NDUFA9: variants seen among roughly 807,000 people sequenced by gnomAD.
NDUFA9 encodes the protein NADH dehydrogenase [ubiquinone] 1 alpha subcomplex subunit 9, mitochondrial.
Under a neutral mutation model 45.9 loss-of-function variants are expected in NDUFA9, and 23 were observed. The observed-to-expected ratio is 0.50, with a 90% CI of 0.36 to 0.71. The LOEUF (loss-of-function observed/expected upper bound fraction) is 0.71, where lower values mean the gene tolerates loss of function less well. Ranked by LOEUF, NDUFA9 falls within the 30% of genes least tolerant of loss-of-function variation. NDUFA9 has a pLI of 0.00. For missense variants in NDUFA9, 466 were observed against 488.2 expected, an observed-to-expected ratio of 0.95 and a Z score of 0.43; for synonymous variants, 176 against 170.5, an observed-to-expected ratio of 1.03 and a Z score of -0.25.
chr12:4,671,885 G>A (rs536771659), intron 8 of NDUFA9, among the ~76,000 whole-genome samples: 2 of 152,216 alleles, frequency 1.3e-5, no homozygotes, highest in East Asian at 3.9e-4. Context: ...ACCTTGCTCT[G>A]TACATGAAAA....
chr12:4,662,649 C>G lies in NDUFA9; in HGVS notation c.655+14C>G. 1 of 1,594,584 alleles carries G rather than the reference C, an allele frequency of 6.3e-7. No individual in the cohort carries two copies. Among genetic ancestry groups the G allele is most frequent in the Non-Finnish European group, 8.6e-7 (1 of 1,162,484 alleles). On this transcript the variant is annotated intron_variant, in intron 6 of 10. Transcript: ENST00000266544. ...ATTCTTTTGCAAGTACGTATTCTTT[C>G]TTAATGGTAGAAGAGAGGGATACTG...
At chr12:4,683,083 A>G (rs1398296156) in intron 9 of NDUFA9, among the ~76,000 whole-genome samples, 1 of 151,796 alleles carries the variant, frequency 6.6e-6, no homozygotes, top group East Asian at 1.9e-4. Context: ...GTGCACACCT[A>G]TAGTCCCAGC....
At chr12:4,686,256 C>G (rs1202164629) in intron 10 of NDUFA9, among the ~76,000 whole-genome samples, 1 of 152,154 alleles carries the variant, frequency 6.6e-6, no homozygotes, top group African/African-American at 2.4e-5. Context: ...TGCTGCTGCT[C>G]TAGGTGCAAA....
At chr12:4,670,673 G>A (rs1394344602) in intron 8 of NDUFA9, among the ~76,000 whole-genome samples, 1 of 152,146 alleles carries the variant, frequency 6.6e-6, no homozygotes, top group African/African-American at 2.4e-5. Context: ...TTTTTTCAGT[G>A]TGAAAGTCTT....
rs1327602630 is a variant in NDUFA9 at position 4,691,483 on chromosome 12, A to G, written c.*4375A>G. Reference sequence around the variant, plus strand: ...GGCTACAAAACTGATGCCTTGTTCCAGAAAGGATTTAAGGATGCTCAGGAG... The same window carrying G: ...GGCTACAAAACTGATGCCTTGTTCCGGAAAGGATTTAAGGATGCTCAGGAG... On this transcript the variant is annotated 3_prime_UTR_variant, in exon 11 of 11. Coordinates refer to ENST00000266544, the MANE Select transcript of NDUFA9 (RefSeq NM_005002.5). The G allele has an allele frequency of 1.3e-5, 2 of 152,240 alleles. No homozygotes were observed. The highest frequency in any genetic ancestry group is 1.9e-4 in the East Asian group (1 of 5,196). The allele number at this position is 152,240 out of a possible 1,614,324, so 9.4% of individuals were successfully genotyped here.
Position 4,689,197 on chromosome 12 carries a change from A to T in NDUFA9, c.*2089A>T, listed in dbSNP as rs574602519. The stretch of plus-strand genomic sequence containing the variant: ...ACTGATCTATTGAACACCAGGTCTT[A>T]CTTCTTCTGTCTTAACTGTAATTAT... On this transcript the variant is annotated 3_prime_UTR_variant, in exon 11 of 11. Transcript: ENST00000266544. 6.2e-4 allele frequency: 95 copies of T among 152,310 alleles called. 1 individual carries two copies. The highest frequency in any genetic ancestry group is 3.4e-3 in the Middle Eastern group (1 of 294). The allele number at this position is 152,310 out of a possible 1,614,324, so 9.4% of individuals were successfully genotyped here. A position where few individuals can be genotyped will look rare whatever the true frequency, so the allele number is the denominator to read the frequency against.
At chr12:4,658,529 T>C (rs897621365) in intron 4 of NDUFA9, among the ~76,000 whole-genome samples, 2 of 152,188 alleles carry the variant, frequency 1.3e-5, no homozygotes, top group East Asian at 1.9e-4. Context: ...TTTTTTTCCC[T>C]TGCGGGAAAC....
chr12:4,684,595 C>T (rs559918086), intron 9 of NDUFA9, among the ~76,000 whole-genome samples: 1 of 152,088 alleles, frequency 6.6e-6, no homozygotes, highest in Non-Finnish European at 1.5e-5. Flanking sequence ...CATAGTGAGA[C>T]CCTGTCTGTG....
intron 9 of NDUFA9, chr12:4,684,900 C>G: frequency 1.8e-6 from 1 of 557,840 alleles, no homozygotes; most frequent in South Asian, 2.6e-5. Context: ...GTAAAGGCAG[C>G]ATATTTGAAT....
intron 1 of NDUFA9, among the ~76,000 whole-genome samples, chr12:4,649,641 C>T (rs1945743803): frequency 6.6e-6 from 1 of 152,000 alleles, no homozygotes; most frequent in Non-Finnish European, 1.5e-5. Context: ...ATTACAATAC[C>T]AGGGAGTCTC....
rs766894015 is a variant in NDUFA9 at position 4,649,116 on chromosome 12, T to G, written c.-11T>G. The G allele has an allele frequency of 1.9e-6, 3 of 1,602,864 alleles. No individual in the cohort carries two copies. The South Asian group carries it at 3.4e-5, about 18-fold the overall frequency. ...AGCCGGGAGTGCTGTCGTGGGGGAT[T>G]GTGGGAAAAGATGGCGGCTGCCGCA... On this transcript the variant is annotated 5_prime_UTR_variant, in exon 1 of 11. The change creates a new upstream start codon in the 5' untranslated region. Transcript: ENST00000266544.
intron 8 of NDUFA9, among the ~76,000 whole-genome samples, chr12:4,675,639 A>G (rs963273026): frequency 6.6e-6 from 1 of 152,232 alleles, no homozygotes; most frequent in Non-Finnish European, 1.5e-5. Flanking sequence ...ATAGACCTAT[A>G]ACAAGTTCTG....
intron 8 of NDUFA9, among the ~76,000 whole-genome samples, chr12:4,681,321 CAATA>C (rs1446323461): frequency 4.0e-5 from 6 of 151,728 alleles, no homozygotes; most frequent in East Asian, 1.9e-4. Flanking sequence ...AAAATACAAA[CAATA>C]AAAGGTATTT....
chr12:4,658,432 C>T (rs869080043), intron 4 of NDUFA9, among the ~76,000 whole-genome samples: 1 of 151,986 alleles, frequency 6.6e-6, no homozygotes, highest in Non-Finnish European at 1.5e-5. Context: ...TTTATCCCCC[C>T]TAATGATTAA....
rs4766274 is a variant in NDUFA9, at chr12:4,687,731, A to C, written c.*623A>C. 150,376 of 152,314 alleles carry C rather than the reference A, an allele frequency of 0.99. 74,259 individuals are homozygous for C. The highest frequency in any genetic ancestry group is 1 in the Middle Eastern group (294 of 294). The allele number at this position is 152,314 out of a possible 1,614,324, so 9.4% of individuals were successfully genotyped here. ...ACATAGGTGGAGATAGATTCTCTTCACATGCAAAGGAGATGCTTCAGCTTC... is the reference window on the plus strand; with the variant it reads ...ACATAGGTGGAGATAGATTCTCTTCCCATGCAAAGGAGATGCTTCAGCTTC... On this transcript the variant is annotated 3_prime_UTR_variant, in exon 11 of 11. Coordinates refer to ENST00000266544, the MANE Select transcript of NDUFA9 (RefSeq NM_005002.5).
chr12:4,662,064 A>G (rs931971957), intron 5 of NDUFA9, among the ~76,000 whole-genome samples: 1 of 152,178 alleles, frequency 6.6e-6, no homozygotes, highest in Non-Finnish European at 1.5e-5. Context: ...AGATGATAAC[A>G]AGTAAGGATG....
At chr12:4,651,509 A>G (rs1395966979) in intron 1 of NDUFA9, among the ~76,000 whole-genome samples, 1 of 151,312 alleles carries the variant, frequency 6.6e-6, no homozygotes, top group Non-Finnish European at 1.5e-5. Flanking sequence ...CATAATTATT[A>G]AAAAAAAACA....
intron 4 of NDUFA9, 62 bp from the exon 5 acceptor site, chr12:4,658,974 G>C (rs1051402251): frequency 6.1e-6 from 9 of 1,479,412 alleles, no homozygotes; most frequent in Non-Finnish European, 8.4e-6. Flanking sequence ...ATCTTATCAC[G>C]TAAAGCTTTG....
chr12:4,674,253 G>A (rs1479708764), intron 8 of NDUFA9, among the ~76,000 whole-genome samples: 1 of 152,144 alleles, frequency 6.6e-6, no homozygotes, highest in African/African-American at 2.4e-5. Context: ...TGAAGAAACT[G>A]CATCAACTAA....
Sources: gnomAD v4.1 joint callset for allele counts (sites outside exome capture counted in the v4.1 genomes callset) on GRCh38, gnomAD v4.1.1 for gene constraint, MANE v1.5 for transcripts, NCBI Gene and HGNC (gene_info 2026-07-23, HGNC 2026-07-21) for gene names.